COLGALT2: variants seen among roughly 807,000 people sequenced by gnomAD.
COLGALT2 encodes the protein collagen beta(1-O)galactosyltransferase 2, also known as procollagen galactosyltransferase 2.
COLGALT2 carries 49 observed loss-of-function variants against 73.4 expected under a neutral mutation model. The observed-to-expected ratio is 0.67, with a 90% CI of 0.53 to 0.85. The LOEUF (loss-of-function observed/expected upper bound fraction) is 0.85, where lower values mean the gene tolerates loss of function less well. Ranked by LOEUF, COLGALT2 falls within the 40% of genes least tolerant of loss-of-function variation. COLGALT2 has a pLI of 0.00. For missense variants in COLGALT2, 722 were observed against 790.2 expected, an observed-to-expected ratio of 0.91 and a Z score of 1.03; for synonymous variants, 295 against 307.6, an observed-to-expected ratio of 0.96 and a Z score of 0.43.
chr1:183,931,672 T>G (rs2102780312), downstream of COLGALT2, among the ~76,000 whole-genome samples: 1 of 152,204 alleles, frequency 6.6e-6, no homozygotes, highest in East Asian at 1.9e-4. Context: ...ATCCAAGTGC[T>G]TTAACACAGG....
chr1:183,990,332 T>C (rs1998926), intron 1 of COLGALT2, among the ~76,000 whole-genome samples: 11,879 of 152,230 alleles, frequency 0.078, 822 homozygotes, highest in East Asian at 0.41. Context: ...CCTAGCCTAA[T>C]AAGAACTATA....
chr1:183,975,239 A>G (rs757570139), intron 2 of COLGALT2, 25 bp from the exon 3 acceptor site: 11 of 1,437,022 alleles, frequency 7.7e-6, no homozygotes, highest in Non-Finnish European at 1.1e-5. Flanking sequence ...ATAGCTCATC[A>G]TTATTGAGTG....
intron 1 of COLGALT2, among the ~76,000 whole-genome samples, chr1:183,986,761 C>CTCAT (rs1671499665): frequency 6.6e-6 from 1 of 152,152 alleles, no homozygotes; most frequent in Admixed American, 6.5e-5. Context: ...AACTAAGTTA[C>CTCAT]TCATTATCTT....
At chr1:183,942,912 C>T (rs190645383) in intron 10 of COLGALT2, among the ~76,000 whole-genome samples, 7 of 152,350 alleles carry the variant, frequency 4.6e-5, no homozygotes, top group Admixed American at 2.6e-4. Flanking sequence ...CTTAGATTCT[C>T]TGGGCTCAGT....
chr1:184,033,119 A>G (rs1270803741), intron 1 of COLGALT2, among the ~76,000 whole-genome samples: 2 of 152,234 alleles, frequency 1.3e-5, no homozygotes, highest in Non-Finnish European at 2.9e-5. Flanking sequence ...TGTGAATCCC[A>G]ACTGTCTTCC....
chr1:183,932,369 G>C (rs1669865162), downstream of COLGALT2, among the ~76,000 whole-genome samples: 1 of 152,162 alleles, frequency 6.6e-6, no homozygotes, highest in African/African-American at 2.4e-5. Context: ...AGCACACGTA[G>C]GGAAAGTGCG....
At position 183,938,641 on chromosome 1, in the gene COLGALT2, G is replaced by A; in HGVS notation, c.*120C>T. 6.8e-7 allele frequency: 1 copy of A among 1,472,956 alleles called. No individual in the cohort carries two copies. Among genetic ancestry groups the A allele is most frequent in the Non-Finnish European group, 9.0e-7 (1 of 1,111,024 alleles). The allele number at this position is 1,472,956 out of a possible 1,614,324, so 91.2% of individuals were successfully genotyped here. A position where few individuals can be genotyped will look rare whatever the true frequency, so the allele number is the denominator to read the frequency against. On this transcript the variant is annotated 3_prime_UTR_variant, in exon 12 of 12. Coordinates refer to ENST00000361927, the MANE Select transcript of COLGALT2 (RefSeq NM_015101.4). ...CGATCTATCACACTAGATCACTTTG[G>A]TTAGATGACTGTGACCACTAAGAAC...
chr1:183,939,881 C>G (rs1169227462), intron 11 of COLGALT2, among the ~76,000 whole-genome samples: 2 of 152,174 alleles, frequency 1.3e-5, no homozygotes, highest in Non-Finnish European at 2.9e-5. Context: ...AGCATTTGGA[C>G]TAGGCTCTAA....
chr1:183,969,542 A>G lies in COLGALT2; in HGVS notation c.628-69T>C. On this transcript the variant is annotated intron_variant, in intron 4 of 11. Transcript: ENST00000361927. ...TCTTCATCCTTCTCAGTCATTTGCT[A>G]GACTGATTCCTTTCAAGTCATTACC... The G allele has an allele frequency of 4.4e-6, 6 of 1,371,176 alleles. No individual in the cohort carries two copies. The South Asian group carries it at 8.5e-5, about 19-fold the overall frequency. The allele number at this position is 1,371,176 out of a possible 1,614,324, so 84.9% of individuals were successfully genotyped here.
At chr1:183,935,759 G>C, downstream of COLGALT2, 1 of 746,158 alleles carries the variant, frequency 1.3e-6, no homozygotes, top group East Asian at 1.3e-4. Flanking sequence ...GACATCCTTG[G>C]TCAAGGGCAG....
chr1:184,018,998 G>T (rs1489031379), intron 1 of COLGALT2, among the ~76,000 whole-genome samples: 1 of 152,194 alleles, frequency 6.6e-6, no homozygotes, highest in Non-Finnish European at 1.5e-5. Flanking sequence ...CAAACATCTT[G>T]AGTTTCAACA....
chr1:183,937,269 G>C lies in COLGALT2; in HGVS notation c.*1492C>G. 1 of 1,157,990 alleles carries C rather than the reference G, an allele frequency of 8.6e-7. No homozygotes were observed. The highest frequency in any genetic ancestry group is 1.1e-6 in the Non-Finnish European group (1 of 941,646). 71.7% of individuals were successfully genotyped at this position (1,157,990 alleles called of 1,614,324 possible). On this transcript the variant is annotated 3_prime_UTR_variant, in exon 12 of 12. Coordinates refer to ENST00000361927, the MANE Select transcript of COLGALT2 (RefSeq NM_015101.4). ...CAGTGATGAGGAACGGTGCTGGTAT[G>C]GGATGCCTGGGAGGGTTTTTCTGGA...
chr1:183,972,937 A>G (rs573169740), intron 4 of COLGALT2, among the ~76,000 whole-genome samples: 30 of 152,214 alleles, frequency 2.0e-4, no homozygotes, highest in South Asian at 6.2e-4. Flanking sequence ...CTGACCTTGT[A>G]ATCCGCCCGC....
intron 1 of COLGALT2, among the ~76,000 whole-genome samples, chr1:184,009,425 A>C (rs1315385122): frequency 6.6e-6 from 1 of 152,198 alleles, no homozygotes; most frequent in African/African-American, 2.4e-5. Context: ...TCCCTTTCTC[A>C]GTATGTATTA....
At chr1:184,019,788 A>G (rs1649118456) in intron 1 of COLGALT2, among the ~76,000 whole-genome samples, 1 of 152,206 alleles carries the variant, frequency 6.6e-6, no homozygotes, top group African/African-American at 2.4e-5. Context: ...AGTGGACAGT[A>G]TTCAAATGAT....
intron 1 of COLGALT2, among the ~76,000 whole-genome samples, chr1:183,992,262 C>T (rs1207731132): frequency 1.3e-5 from 2 of 152,222 alleles, no homozygotes; most frequent in African/African-American, 2.4e-5. Context: ...AGTCAGACAG[C>T]TGGACTCATG....
intron 8 of COLGALT2, chr1:183,946,625 A>C (rs1670256702): frequency 6.6e-6 from 1 of 152,236 alleles, no homozygotes; most frequent in South Asian, 2.1e-4. Flanking sequence ...AAAAAGATAT[A>C]CCATATAATC....
In COLGALT2 at chr1:184,037,473, G is replaced by A; in HGVS notation, c.-116C>T. The A allele has an allele frequency of 8.4e-7, 1 of 1,193,022 alleles. No homozygotes were observed. The highest frequency in any genetic ancestry group is 1.0e-6 in the Non-Finnish European group (1 of 964,578). The allele number at this position is 1,193,022 out of a possible 1,614,324, so 73.9% of individuals were successfully genotyped here. ...GCTGCGAGGGGCGGCCGGGGGATGC[G>A]GCTTGCCGCGGCCGGCCGGCTCACA... is the stretch of plus-strand genomic sequence containing the variant. On this transcript the variant is annotated 5_prime_UTR_variant, in exon 1 of 12. Transcript: ENST00000361927.
chr1:183,937,793 T>C lies in COLGALT2; in HGVS notation c.*968A>G. The C allele has an allele frequency of 1.0e-6, 1 of 985,428 alleles. No homozygotes were observed. 61.0% of individuals were successfully genotyped at this position (985,428 alleles called of 1,614,324 possible). On this transcript the variant is annotated 3_prime_UTR_variant, in exon 12 of 12. Coordinates refer to ENST00000361927, the MANE Select transcript of COLGALT2 (RefSeq NM_015101.4). ...AATTCAAAATATAATGAAAAAACTCTGGCAAGGATAGTTGCTGGCCTGAAA... is the reference window on the plus strand; with the variant it reads ...AATTCAAAATATAATGAAAAAACTCCGGCAAGGATAGTTGCTGGCCTGAAA...
Sources: gnomAD v4.1 joint callset for allele counts (sites outside exome capture counted in the v4.1 genomes callset) on GRCh38, gnomAD v4.1.1 for gene constraint, MANE v1.5 for transcripts, NCBI Gene and HGNC (gene_info 2026-07-23, HGNC 2026-07-21) for gene names.